Variants in IQCM observed in about 807,000 individuals in gnomAD.
IQCM encodes IQ domain-containing protein M.
IQCM carries 45 observed loss-of-function variants against 57.6 expected under a neutral mutation model. The ratio of observed to expected loss-of-function variants is 0.78; its 90% confidence interval spans 0.62 to 1.00. The LOEUF (loss-of-function observed/expected upper bound fraction) is 1.00, where lower values mean the gene tolerates loss of function less well. Among genes scored for constraint, IQCM ranks in the 50% least tolerant of loss-of-function variants. The pLI is 0.00. For synonymous variants in IQCM, 148 were observed against 158.9 expected, an observed-to-expected ratio of 0.93 and a Z score of 0.51; for missense variants, 468 against 511.6, an observed-to-expected ratio of 0.91 and a Z score of 0.82.
rs1411390622 is a variant in IQCM at position 149,368,856 on chromosome 4, G to A, written c.1391-16790C>T. ...TGTATATATATACATATATATACAT[G>A]TATATATATACATATATACACGTGT... On this transcript the variant is annotated intron_variant, in intron 13 of 13. Coordinates refer to ENST00000636793, the MANE Select transcript of IQCM (RefSeq NM_001363507.2). Among the ~76,000 whole-genome samples, 4 of 46,038 alleles carry A rather than the reference G, an allele frequency of 8.7e-5. 1 individual carries two copies. The highest frequency in any genetic ancestry group is 1.7e-4 in the Non-Finnish European group (4 of 23,136). The allele number at this position is 46,038 out of a possible 152,430, so 30.2% of individuals were successfully genotyped here. A position where few individuals can be genotyped will look rare whatever the true frequency, so the allele number is the denominator to read the frequency against.
At chr4:149,378,123 T>A (rs964798076) in intron 13 of IQCM, among the ~76,000 whole-genome samples, 1 of 152,190 alleles carries the variant, frequency 6.6e-6, no homozygotes, top group Admixed American at 6.5e-5. Flanking sequence ...ATGTAAGATG[T>A]GCCTTTCATC....
intron 2 of IQCM, among the ~76,000 whole-genome samples, chr4:149,785,121 C>T (rs962337993): frequency 3.9e-5 from 6 of 152,236 alleles, no homozygotes; most frequent in Middle Eastern, 3.4e-3. Flanking sequence ...TGATTCCTTA[C>T]GATCTAGGCA....
intron 5 of IQCM, among the ~76,000 whole-genome samples, chr4:149,719,087 G>A (rs74994582): frequency 6.6e-6 from 1 of 152,288 alleles, no homozygotes; most frequent in East Asian, 1.9e-4. Context: ...GCTCATGCCT[G>A]TAATCCCAGC....
intron 12 of IQCM, among the ~76,000 whole-genome samples, chr4:149,536,459 C>T (rs1245418358): frequency 2.0e-5 from 3 of 151,930 alleles, no homozygotes; most frequent in Non-Finnish European, 4.4e-5. Flanking sequence ...TAAACCTTTG[C>T]TTTTATTTTC....
chr4:149,722,082 G>C (rs1414823522), intron 5 of IQCM, among the ~76,000 whole-genome samples: 1 of 151,930 alleles, frequency 6.6e-6, no homozygotes, highest in Non-Finnish European at 1.5e-5. Flanking sequence ...TTGACCATTT[G>C]TATATCTCCT....
intron 13 of IQCM, among the ~76,000 whole-genome samples, chr4:149,363,275 C>T (rs1729616345): frequency 6.6e-6 from 1 of 152,114 alleles, no homozygotes; most frequent in African/African-American, 2.4e-5. Context: ...CAGCAAGACA[C>T]CTTCATCAGG....
chr4:149,654,045 T>C (rs1759425433), intron 7 of IQCM, among the ~76,000 whole-genome samples: 1 of 152,202 alleles, frequency 6.6e-6, no homozygotes. Context: ...ATGTTACATT[T>C]ATTTGATTCT....
intron 9 of IQCM, among the ~76,000 whole-genome samples, chr4:149,578,678 T>C (rs527555889): frequency 7.2e-5 from 11 of 151,964 alleles, no homozygotes; most frequent in African/African-American, 2.2e-4. Context: ...GACTTTAGAT[T>C]ATAGGGCTCC....
chr4:149,672,614 A>C (rs922680026), intron 7 of IQCM, among the ~76,000 whole-genome samples: 2 of 152,196 alleles, frequency 1.3e-5, no homozygotes, highest in African/African-American at 4.8e-5. Context: ...CCCTCAAGAA[A>C]TATGAGACTA....
chr4:149,787,342 T>C (rs1389429413), intron 2 of IQCM, among the ~76,000 whole-genome samples: 1 of 152,094 alleles, frequency 6.6e-6, no homozygotes, highest in Non-Finnish European at 1.5e-5. Context: ...TACATCATTT[T>C]TCATAGAAAT....
At position 149,676,750 on chromosome 4, in the gene IQCM, A is replaced by G. The variant is rs182654158; in HGVS notation, c.565+5368T>C. 1.8e-3 allele frequency among the ~76,000 whole-genome samples: 278 copies of G among 152,176 alleles called. 1 individual carries two copies. The highest frequency in any genetic ancestry group is 6.4e-3 in the African/African-American group (266 of 41,554). ...TTTTAAGCAAACGGATAGAAATCATAACTTGCCTTATATCTTATGTTCTAA... is the reference window on the plus strand; with the variant it reads ...TTTTAAGCAAACGGATAGAAATCATGACTTGCCTTATATCTTATGTTCTAA... On this transcript the variant is annotated intron_variant, in intron 7 of 13. Coordinates refer to ENST00000636793, the MANE Select transcript of IQCM (RefSeq NM_001363507.2).
At chr4:149,522,662 T>C (rs1469626570) in intron 12 of IQCM, among the ~76,000 whole-genome samples, 2 of 151,986 alleles carry the variant, frequency 1.3e-5, no homozygotes, top group African/African-American at 2.4e-5. Flanking sequence ...AGAGTAAAGA[T>C]AAGCAACATA....
chr4:149,483,242 G>C (rs575753969), intron 12 of IQCM, among the ~76,000 whole-genome samples: 2 of 151,492 alleles, frequency 1.3e-5, no homozygotes, highest in Non-Finnish European at 3.0e-5. Context: ...TTGATCTTTT[G>C]TATTGTTTTC....
intron 8 of IQCM, among the ~76,000 whole-genome samples, chr4:149,592,182 G>C (rs146698892): frequency 0.013 from 1,963 of 152,258 alleles, 34 homozygotes; most frequent in Non-Finnish European, 0.021. Flanking sequence ...TTGTGGTTTT[G>C]ATATGCATTT....
chr4:149,796,237 C>A (rs1348688979), intron 2 of IQCM, among the ~76,000 whole-genome samples: 3 of 152,242 alleles, frequency 2.0e-5, no homozygotes, highest in African/African-American at 7.2e-5. Flanking sequence ...GACTGAGGAG[C>A]CATTGGGCTA....
intron 12 of IQCM, among the ~76,000 whole-genome samples, chr4:149,479,465 G>C (rs761063604): frequency 5.9e-5 from 9 of 152,182 alleles, no homozygotes; most frequent in Non-Finnish European, 1.2e-4. Flanking sequence ...GGCTTGGCAT[G>C]TATGAACTCA....
At chr4:149,533,544 C>T (rs1458715041) in intron 12 of IQCM, among the ~76,000 whole-genome samples, 1 of 152,038 alleles carries the variant, frequency 6.6e-6, no homozygotes, top group Non-Finnish European at 1.5e-5. Context: ...AGACTGGGTA[C>T]ATAAAGAAAT....
intron 12 of IQCM, among the ~76,000 whole-genome samples, chr4:149,437,270 A>G (rs1735453608): frequency 6.6e-6 from 1 of 152,058 alleles, no homozygotes; most frequent in Admixed American, 6.6e-5. Context: ...CTGTACCTGT[A>G]AAGTGTACTC....
chr4:149,686,296 G>C (rs1159287067), intron 6 of IQCM, 82 bp downstream of exon 6: 1 of 578,644 alleles, frequency 1.7e-6, no homozygotes, highest in Non-Finnish European at 2.6e-6. Flanking sequence ...AAAAACTTGA[G>C]AGACCATGAC....
Sources: gnomAD v4.1 joint callset for allele counts (sites outside exome capture counted in the v4.1 genomes callset) on GRCh38, gnomAD v4.1.1 for gene constraint, MANE v1.5 for transcripts, NCBI Gene and HGNC (gene_info 2026-07-23, HGNC 2026-07-21) for gene names.